Variants in PCDH15 observed in about 807,000 individuals in gnomAD.
PCDH15 encodes the protein protocadherin related 15.
Under a neutral mutation model 178.5 loss-of-function variants are expected in PCDH15, and 129 were observed. The observed-to-expected ratio is 0.72, with a 90% CI of 0.63 to 0.84. The LOEUF (loss-of-function observed/expected upper bound fraction) is 0.84, where lower values mean the gene tolerates loss of function less well. PCDH15 is among the 40% of genes least tolerant of loss of function. The pLI, the probability that PCDH15 is intolerant of heterozygous loss-of-function variation, is 0.00. For missense variants in PCDH15, 2,230 were observed against 2,099.9 expected, an observed-to-expected ratio of 1.06 and a Z score of -1.21; for synonymous variants, 800 against 732.0, an observed-to-expected ratio of 1.09 and a Z score of -1.50.
At chr10:55,269,166 G>T (rs1842375384) in intron 1 of PCDH15, among the ~76,000 whole-genome samples, 1 of 152,066 alleles carries the variant, frequency 6.6e-6, no homozygotes, top group Admixed American at 6.6e-5. Flanking sequence ...CAAACCTGCA[G>T]CCAACACCAT....
At chr10:54,192,140 GAAAGAAAGAAAGAAAA>G (rs2049087164) in intron 11 of PCDH15, among the ~76,000 whole-genome samples, 6 of 76,316 alleles carry the variant, frequency 7.9e-5, no homozygotes, top group Admixed American at 1.5e-4. Flanking sequence ...AAGAGAAAGA[GAAAGAAAGAAAGAAAA>G]AGAAAGAAAG....
intron 8 of PCDH15, among the ~76,000 whole-genome samples, chr10:54,313,502 C>T (rs1039033971): frequency 4.6e-5 from 7 of 152,056 alleles, no homozygotes; most frequent in African/African-American, 1.7e-4. Context: ...CAACTATGTC[C>T]ACCTACAGAG....
At chr10:54,664,372 A>C in intron 1 of PCDH15, 82 bp from the exon 2 acceptor site, 2 of 886,728 alleles carry the variant, frequency 2.3e-6, no homozygotes, top group Admixed American at 2.0e-5. Context: ...CAGCACAGAA[A>C]AGCCTTAATG....
chr10:54,952,502 A>C (rs1838370397), intron 2 of PCDH15, among the ~76,000 whole-genome samples: 1 of 151,778 alleles, frequency 6.6e-6, no homozygotes, highest in Non-Finnish European at 1.5e-5. Context: ...TTGCCTCTCC[A>C]TATAAATTTT....
At chr10:54,639,762 G>T (rs2093949987) in intron 2 of PCDH15, among the ~76,000 whole-genome samples, 1 of 152,116 alleles carries the variant, frequency 6.6e-6, no homozygotes, top group Non-Finnish European at 1.5e-5. Context: ...CATGATTAAT[G>T]TTGATGATTC....
chr10:55,142,040 G>A (rs1161586288), intron 2 of PCDH15, among the ~76,000 whole-genome samples: 2 of 151,958 alleles, frequency 1.3e-5, no homozygotes, highest in Non-Finnish European at 2.9e-5. Flanking sequence ...CACAATATAT[G>A]GCAGAATGTA....
intron 1 of PCDH15, among the ~76,000 whole-genome samples, chr10:55,286,501 G>GTT (rs34383872): frequency 1.8e-4 from 26 of 141,234 alleles, no homozygotes; most frequent in South Asian, 9.1e-4. Flanking sequence ...GTCTATGAGG[G>GTT]TTTTTTTTTT....
intron 9 of PCDH15, among the ~76,000 whole-genome samples, chr10:54,215,877 T>TA (rs1284374384): frequency 2.7e-5 from 4 of 149,818 alleles, no homozygotes; most frequent in Admixed American, 6.6e-5. Flanking sequence ...CCGCCTCTAC[T>TA]AAAAAAAATA....
At chr10:55,225,778 C>T (rs1236917599) in intron 1 of PCDH15, among the ~76,000 whole-genome samples, 4 of 151,916 alleles carry the variant, frequency 2.6e-5, no homozygotes, top group African/African-American at 9.7e-5. Context: ...AATTTCCCAC[C>T]TAGTGAACGT....
intron 1 of PCDH15, among the ~76,000 whole-genome samples, chr10:54,722,489 T>A (rs1941786028): frequency 6.6e-6 from 1 of 151,692 alleles, no homozygotes; most frequent in Admixed American, 6.6e-5. Flanking sequence ...CTTTGTGTTG[T>A]TTATTTGGTC....
chr10:55,582,628 A>ATATATATATATTTTTTT (rs780312007), intron 2 of PCDH15, among the ~76,000 whole-genome samples: 1 of 69,042 alleles, frequency 1.4e-5, no homozygotes, highest in African/African-American at 6.6e-5. Flanking sequence ...ATATATATAT[A>ATATATATATATTTTTTT]TTTTTTTTTT....
Position 54,242,140 on chromosome 10 carries a change from A to G in PCDH15, c.877-5209T>C, listed in dbSNP as rs1187692887. Among the ~76,000 whole-genome samples, 116 of 24,626 alleles carry G rather than the reference A, an allele frequency of 4.7e-3. 2 individuals carry two copies. Among genetic ancestry groups the G allele is most frequent in the African/African-American group, 0.03 (111 of 3,756 alleles). 16.2% of individuals were successfully genotyped at this position (24,626 alleles called of 152,430 possible). A position where few individuals can be genotyped will look rare whatever the true frequency, so the allele number is the denominator to read the frequency against. On this transcript the variant is annotated intron_variant, in intron 8 of 37. Coordinates refer to ENST00000644397, the MANE Select transcript of PCDH15 (RefSeq NM_001384140.1). Reference sequence around the variant, plus strand: ...GTCTGAATTCTATTTTTATATATATATATATATATATATATATATATATAT... The same window carrying G: ...GTCTGAATTCTATTTTTATATATATGTATATATATATATATATATATATAT...
intron 8 of PCDH15, among the ~76,000 whole-genome samples, chr10:54,246,779 T>C (rs1315493240): frequency 6.6e-6 from 1 of 151,990 alleles, no homozygotes. Flanking sequence ...GTTTACATTC[T>C]ATCACAGAGT....
intron 3 of PCDH15, among the ~76,000 whole-genome samples, chr10:54,457,445 C>T (rs757828215): frequency 3.3e-5 from 5 of 152,156 alleles, no homozygotes; most frequent in African/African-American, 1.2e-4. Context: ...CCCTCCTAAT[C>T]TTTCACATTA....
chr10:54,084,497 A>G (rs945735464), intron 16 of PCDH15, among the ~76,000 whole-genome samples: 5 of 151,750 alleles, frequency 3.3e-5, no homozygotes, highest in Non-Finnish European at 7.4e-5. Context: ...ATAAAAAAAT[A>G]AAAATTATCA....
intron 7 of PCDH15, among the ~76,000 whole-genome samples, chr10:54,321,541 C>T (rs1391758443): frequency 6.6e-6 from 1 of 151,780 alleles, no homozygotes; most frequent in Non-Finnish European, 1.5e-5. Flanking sequence ...CCTTCCATGT[C>T]ACTCAGCCTT....
At chr10:53,972,877 G>A (rs1188093574) in intron 21 of PCDH15, among the ~76,000 whole-genome samples, 1 of 152,194 alleles carries the variant, frequency 6.6e-6, no homozygotes, top group Non-Finnish European at 1.5e-5. Flanking sequence ...GTGGAAGACA[G>A]TGTGGCGATT....
chr10:54,496,606 T>A (rs930733191), intron 3 of PCDH15, among the ~76,000 whole-genome samples: 4 of 152,100 alleles, frequency 2.6e-5, no homozygotes, highest in Admixed American at 6.6e-5. Flanking sequence ...TTTTCATGCA[T>A]TTTATCTGAA....
At chr10:55,538,956 TTTCC>T (rs1457694119) in intron 2 of PCDH15, among the ~76,000 whole-genome samples, 4 of 2,002 alleles carry the variant, frequency 2.0e-3, no homozygotes, top group African/African-American at 7.1e-3. Context: ...CCTTCCTTCC[TTTCC>T]TTCCTTCCTT....
Sources: allele counts gnomAD v4.1 joint callset (sites outside exome capture counted in the v4.1 genomes callset), GRCh38; gene constraint gnomAD v4.1.1; transcripts MANE v1.5; gene names NCBI Gene and HGNC (gene_info 2026-07-23, HGNC 2026-07-21).